The following ENPP3 variants were observed in gnomAD, a reference collection of about 807,000 sequenced individuals.
The protein encoded by ENPP3 is ectonucleotide pyrophosphatase/phosphodiesterase 3, also known as ectonucleotide pyrophosphatase/phosphodiesterase family member 3.
ENPP3 carries 104 observed loss-of-function variants against 117.8 expected under a neutral mutation model. The ratio of observed to expected loss-of-function variants is 0.88; its 90% CI spans 0.75 to 1.04. The LOEUF is 1.04. Among genes scored for constraint, ENPP3 ranks in the 50% least tolerant of loss-of-function variants. The pLI is 0.00. For missense variants in ENPP3, 1,026 were observed against 1,051.9 expected (o/e 0.98, Z 0.34); for synonymous variants, 380 against 349.9 (o/e 1.09, Z -0.96).
intron 21 of ENPP3, among the ~76,000 whole-genome samples, chr6:131,735,341 T>G (rs1275025316): frequency 1.3e-5 from 2 of 152,198 alleles, no homozygotes; most frequent in Non-Finnish European, 2.9e-5. Flanking sequence ...AGGGCTTAGT[T>G]AAAAAGGTAG....
At chr6:131,742,563 C>T (rs1321786962) in intron 24 of ENPP3, among the ~76,000 whole-genome samples, 3 of 152,048 alleles carry the variant, frequency 2.0e-5, no homozygotes, top group African/African-American at 7.2e-5. Context: ...TATATTTTGT[C>T]ATAGCCTCTC....
intron 1 of ENPP3, among the ~76,000 whole-genome samples, chr6:131,640,110 C>T (rs1206211110): frequency 2.0e-5 from 3 of 152,140 alleles, no homozygotes; most frequent in Non-Finnish European, 2.9e-5. Flanking sequence ...AGTTTTAAAG[C>T]ATCTTAAGAA....
intron 11 of ENPP3, 46 bp downstream of exon 11, chr6:131,677,986 C>G: frequency 1.8e-6 from 2 of 1,115,596 alleles, no homozygotes; most frequent in Non-Finnish European, 2.7e-6. Context: ...GTAAAATCAT[C>G]TAACCCTAAC....
chr6:131,717,042 T>C (rs1309486417), intron 15 of ENPP3, among the ~76,000 whole-genome samples: 2 of 152,062 alleles, frequency 1.3e-5, no homozygotes, highest in African/African-American at 4.8e-5. Flanking sequence ...TTAACTAAGA[T>C]AAGGAAATGA....
At chr6:131,686,183 A>G (rs73779853) in intron 14 of ENPP3, among the ~76,000 whole-genome samples, 1,561 of 152,340 alleles carry the variant, frequency 0.01, 23 homozygotes, top group African/African-American at 0.032. Context: ...AAAGGGTTGC[A>G]TTAGTGAGCT....
Position 131,674,455 on chromosome 6 carries a change from G to C in ENPP3, c.762+174G>C, listed in dbSNP as rs1221143175. The stretch of plus-strand genomic sequence containing the variant: ...AACTTGAATTTTTAAAACATTTATG[G>C]TTGTTAACTCAAATAGGTATGTTTA... On this transcript the variant is annotated intron_variant, in intron 8 of 24. Transcript: ENST00000357639. The C allele has an allele frequency of 1.5e-5, 10 of 654,958 alleles. No homozygotes were observed. In the East Asian group the frequency reaches 2.0e-4, roughly 13 times the overall value. The allele number at this position is 654,958 out of a possible 1,614,324, so 40.6% of individuals were successfully genotyped here.
At chr6:131,716,009 G>C (rs1009735013) in intron 15 of ENPP3, among the ~76,000 whole-genome samples, 2 of 142,824 alleles carry the variant, frequency 1.4e-5, no homozygotes, top group Non-Finnish European at 3.0e-5. Flanking sequence ...GTAGAATGGA[G>C]ATACCGCACA....
At chr6:131,643,121 A>C (rs1043743650) in intron 2 of ENPP3, among the ~76,000 whole-genome samples, 1 of 152,234 alleles carries the variant, frequency 6.6e-6, no homozygotes, top group African/African-American at 2.4e-5. Flanking sequence ...AGTATGACCT[A>C]GGAGCACAGT....
chr6:131,746,714 G>T, intron 24 of ENPP3, 72 bp from the exon 25 acceptor site: 2 of 1,357,866 alleles, frequency 1.5e-6, no homozygotes, highest in Non-Finnish European at 2.0e-6. Flanking sequence ...CAACTTCTAA[G>T]CAATAAAAAT....
chr6:131,678,628 G>A (rs532602755), intron 11 of ENPP3, among the ~76,000 whole-genome samples: 4 of 152,334 alleles, frequency 2.6e-5, no homozygotes, highest in South Asian at 2.1e-4. Flanking sequence ...ATGGAAACTC[G>A]TTGACAATTG....
rs142494180 is a variant in ENPP3 at position 131,691,712 on chromosome 6, C to T, written c.1285-1785C>T. Among the ~76,000 whole-genome samples the T allele has an allele frequency of 5.3e-3, 808 of 152,158 alleles. 1 individual carries two copies. Among genetic ancestry groups the T allele is most frequent in the Middle Eastern group, 0.014 (4 of 294 alleles). On this transcript the variant is annotated intron_variant, in intron 14 of 24. Transcript: ENST00000357639. ...TCTTCACAGGTAGGTAGTGAGCCTC[C>T]GGTTTTCTCTGGATTTACTCTGGCT...
At chr6:131,675,702 C>T (rs977324989) in intron 9 of ENPP3, among the ~76,000 whole-genome samples, 4 of 151,942 alleles carry the variant, frequency 2.6e-5, no homozygotes, top group African/African-American at 7.3e-5. Flanking sequence ...GGCATGGTGG[C>T]GCATTACCTC....
chr6:131,684,172 A>G (rs1779096790), intron 12 of ENPP3, among the ~76,000 whole-genome samples: 1 of 152,200 alleles, frequency 6.6e-6, no homozygotes, highest in African/African-American at 2.4e-5. Context: ...GTCAAGCCCC[A>G]ATATCTGTGA....
At position 131,747,305 on chromosome 6, in the gene ENPP3, A is replaced by T. The variant is rs1460157680; in HGVS notation, c.*349A>T. ...CAGAATTATCTAAACAAAAGGGAGA[A>T]CAAAAGAAGTATGTCTCACTTGGGA... is the stretch of plus-strand genomic sequence containing the variant. On this transcript the variant is annotated 3_prime_UTR_variant, in exon 25 of 25. Transcript: ENST00000357639. 1 of 155,090 alleles carries T rather than the reference A, an allele frequency of 6.4e-6. No homozygotes were observed. Among genetic ancestry groups the T allele is most frequent in the East Asian group, 1.9e-4 (1 of 5,306 alleles). 9.6% of individuals were successfully genotyped at this position (155,090 alleles called of 1,614,324 possible).
chr6:131,716,939 C>G (rs1283639718), intron 15 of ENPP3, among the ~76,000 whole-genome samples: 1 of 151,540 alleles, frequency 6.6e-6, no homozygotes, highest in Non-Finnish European at 1.5e-5. Flanking sequence ...CCACTTCACT[C>G]CAGCCTGGGC....
At chr6:131,692,061 C>A (rs1471461503) in intron 14 of ENPP3, among the ~76,000 whole-genome samples, 1 of 151,164 alleles carries the variant, frequency 6.6e-6, no homozygotes, top group Non-Finnish European at 1.5e-5. Flanking sequence ...AAATTATGTG[C>A]TTCATAGTTT....
chr6:131,726,248 T>A, intron 20 of ENPP3, 48 bp downstream of exon 20: 1 of 1,536,592 alleles, frequency 6.5e-7, no homozygotes, highest in African/African-American at 1.4e-5. Flanking sequence ...ATATTTATAA[T>A]CCTTTCATAT....
chr6:131,740,292 A>G lies in ENPP3; in HGVS notation c.2369A>G (p.Lys790Arg). ...YFVVLTSCKNKSHTPENCPGW... is the reference protein window; with the variant it reads ...YFVVLTSCKNRSHTPENCPGW... ...GTGGTGCTGACCAGTTGTAAAAACA[A>G]GAGCCACACACCGGAAAACTGCCCT... is the stretch of plus-strand genomic sequence containing the variant. The change falls in exon 24 of 25, where the codon AAG becomes AGG. Residue 790 changes from lysine (K) to arginine (R), a missense_variant. Lys to Arg is a conservative substitution (Grantham distance 26). Transcript: ENST00000357639. The G allele has an allele frequency of 6.2e-7, 1 of 1,613,434 alleles. No individual in the cohort carries two copies. Among genetic ancestry groups the G allele is most frequent in the Non-Finnish European group, 8.5e-7 (1 of 1,179,616 alleles).
chr6:131,646,744 CTTTTT>C (rs60833768), intron 2 of ENPP3, among the ~76,000 whole-genome samples: 2 of 128,918 alleles, frequency 1.6e-5, no homozygotes, highest in African/African-American at 2.9e-5. Context: ...AAGCTCTTGG[CTTTTT>C]TTTTTTTTTT....
Sources: allele counts gnomAD v4.1 joint callset (sites outside exome capture counted in the v4.1 genomes callset), GRCh38; gene constraint gnomAD v4.1.1; transcripts MANE v1.5; gene names NCBI Gene and HGNC (gene_info 2026-07-23, HGNC 2026-07-21).